Variants in RANBP17 observed in about 807,000 individuals in gnomAD.
RANBP17 encodes RAN binding protein 17, also known as ran-binding protein 17.
In RANBP17, 158 loss-of-function variants were observed where a neutral mutation model predicts 141.2. The observed-to-expected ratio is 1.12, with a 90% CI of 0.98 to 1.28. The LOEUF is 1.28. Among genes scored for constraint, RANBP17 ranks in the 50% most tolerant of loss-of-function variants. The pLI is 0.00. For missense variants in RANBP17, 1,438 were observed against 1,290.7 expected (o/e 1.11, Z -1.75); for synonymous variants, 430 against 450.0 (o/e 0.96, Z 0.56).
chr5:171,016,292 C>A (rs1262928659), intron 14 of RANBP17, among the ~76,000 whole-genome samples: 3 of 151,000 alleles, frequency 2.0e-5, no homozygotes, highest in African/African-American at 7.3e-5. Context: ...CCCTGTTACT[C>A]TATATTGGCA....
intron 5 of RANBP17, among the ~76,000 whole-genome samples, chr5:170,902,366 T>A (rs192801689): frequency 2.0e-5 from 3 of 152,352 alleles, no homozygotes; most frequent in Admixed American, 6.5e-5. Context: ...GTTTTTCAGC[T>A]CCATCAGGTC....
At chr5:171,227,664 C>T (rs1465285399) in intron 22 of RANBP17, among the ~76,000 whole-genome samples, 1 of 152,186 alleles carries the variant, frequency 6.6e-6, no homozygotes, top group African/African-American at 2.4e-5. Context: ...AAGAAGATGC[C>T]ATCTAGGACT....
chr5:171,225,307 A>T (rs1763820869), intron 22 of RANBP17, among the ~76,000 whole-genome samples: 1 of 152,268 alleles, frequency 6.6e-6, no homozygotes, highest in Non-Finnish European at 1.5e-5. Flanking sequence ...AATGTCCTTC[A>T]ACTGGGTCAC....
At chr5:171,128,800 TAAAAA>T (rs956213739) in intron 14 of RANBP17, among the ~76,000 whole-genome samples, 1 of 137,404 alleles carries the variant, frequency 7.3e-6, no homozygotes, top group African/African-American at 2.5e-5. Context: ...TATTTATTAA[TAAAAA>T]AATAAAATAG....
chr5:171,174,201 G>A (rs1477062159), intron 16 of RANBP17, among the ~76,000 whole-genome samples: 2 of 152,146 alleles, frequency 1.3e-5, no homozygotes, highest in African/African-American at 4.8e-5. Flanking sequence ...ATACATTTGA[G>A]TAACTGTTTA....
chr5:170,936,544 G>A (rs1773895413), intron 12 of RANBP17, among the ~76,000 whole-genome samples: 1 of 152,050 alleles, frequency 6.6e-6, no homozygotes, highest in Non-Finnish European at 1.5e-5. Flanking sequence ...AGTTTTCCTA[G>A]TTATTGTTAC....
chr5:171,085,236 T>G lies in RANBP17; in HGVS notation c.1711-84894T>G, dbSNP rs1186587937. ...AAATAGGGAATCCTTTCCCCATTTC[T>G]TGTTTTTCTCAGGTTTGTCAAAGAT... On this transcript the variant is annotated intron_variant, in intron 14 of 27. Transcript: ENST00000523189. Among the ~76,000 whole-genome samples, 269 of 143,526 alleles carry G rather than the reference T, an allele frequency of 1.9e-3. 2 individuals carry two copies. The highest frequency in any genetic ancestry group is 6.7e-3 in the African/African-American group (257 of 38,578). 94.2% of individuals were successfully genotyped at this position (143,526 alleles called of 152,430 possible).
At chr5:171,013,353 T>C (rs1432150050) in intron 14 of RANBP17, among the ~76,000 whole-genome samples, 1 of 152,150 alleles carries the variant, frequency 6.6e-6, no homozygotes, top group African/African-American at 2.4e-5. Flanking sequence ...CATAGCCCCT[T>C]TATTGGTTAC....
At chr5:171,178,184 C>T (rs1223308609) in intron 16 of RANBP17, among the ~76,000 whole-genome samples, 4 of 143,852 alleles carry the variant, frequency 2.8e-5, no homozygotes, top group East Asian at 2.1e-4. Context: ...CCCCACCCCC[C>T]GACAGGCCCC....
At chr5:171,042,072 CTCATTCTTTT>C (rs2127636332) in intron 14 of RANBP17, among the ~76,000 whole-genome samples, 1 of 152,220 alleles carries the variant, frequency 6.6e-6, no homozygotes, top group Non-Finnish European at 1.5e-5. Context: ...AGGACATGAT[CTCATTCTTTT>C]TCATGGCTAC....
intron 14 of RANBP17, among the ~76,000 whole-genome samples, chr5:170,993,983 C>T (rs1444340511): frequency 6.6e-6 from 1 of 152,008 alleles, no homozygotes; most frequent in Non-Finnish European, 1.5e-5. Flanking sequence ...ATGTTAAACG[C>T]TTTAAGGAGC....
chr5:170,868,874 G>A (rs1767482420), intron 1 of RANBP17, among the ~76,000 whole-genome samples: 1 of 152,182 alleles, frequency 6.6e-6, no homozygotes, highest in Admixed American at 6.5e-5. Flanking sequence ...TGATTGGTTA[G>A]TAACCACCAT....
chr5:171,106,387 A>T (rs996737863), intron 14 of RANBP17, among the ~76,000 whole-genome samples: 11 of 152,170 alleles, frequency 7.2e-5, no homozygotes, highest in Non-Finnish European at 1.6e-4. Context: ...TGTGAGAGCA[A>T]CATGTTTGAG....
intron 14 of RANBP17, among the ~76,000 whole-genome samples, chr5:170,979,375 A>T (rs1252419016): frequency 6.6e-6 from 1 of 152,210 alleles, no homozygotes; most frequent in Non-Finnish European, 1.5e-5. Flanking sequence ...TTAAAATTTC[A>T]CATTTACCCT....
intron 14 of RANBP17, among the ~76,000 whole-genome samples, chr5:170,999,404 A>G (rs1237827113): frequency 4.6e-5 from 7 of 152,134 alleles, no homozygotes; most frequent in African/African-American, 1.4e-4. Context: ...TTATCGCTGA[A>G]ATGCATGTCC....
intron 20 of RANBP17, among the ~76,000 whole-genome samples, chr5:171,212,079 A>G (rs1352376873): frequency 6.6e-6 from 1 of 152,204 alleles, no homozygotes; most frequent in Admixed American, 6.5e-5. Flanking sequence ...TTCCACCACC[A>G]TACACAGGAG....
intron 25 of RANBP17, among the ~76,000 whole-genome samples, chr5:171,278,859 A>G (rs1561824679): frequency 6.6e-6 from 1 of 152,212 alleles, no homozygotes; most frequent in Non-Finnish European, 1.5e-5. Flanking sequence ...CAATGAGTAT[A>G]GACTTACCTA....
chr5:171,045,680 A>G (rs1374805887), intron 14 of RANBP17, among the ~76,000 whole-genome samples: 2 of 152,210 alleles, frequency 1.3e-5, no homozygotes, highest in African/African-American at 4.8e-5. Context: ...TGCAATGTAA[A>G]TCATTCTTCT....
chr5:171,044,771 A>C (rs1228874165), intron 14 of RANBP17, among the ~76,000 whole-genome samples: 1 of 152,124 alleles, frequency 6.6e-6, no homozygotes, highest in Non-Finnish European at 1.5e-5. Context: ...GTGTAAAATA[A>C]CTTTCTCTAA....
Sources: gnomAD v4.1 joint callset for allele counts (sites outside exome capture counted in the v4.1 genomes callset) on GRCh38, gnomAD v4.1.1 for gene constraint, MANE v1.5 for transcripts, NCBI Gene and HGNC (gene_info 2026-07-23, HGNC 2026-07-21) for gene names.